The following HPS3 variants were observed in gnomAD, a reference collection of about 807,000 sequenced individuals.
HPS3 encodes the protein BLOC-2 complex member HPS3.
A neutral mutation model predicts 110.9 loss-of-function variants in HPS3; 79 were observed. The observed-to-expected ratio is 0.71, with a 90% confidence interval of 0.59 to 0.86. HPS3 has a LOEUF of 0.86. Ranked by LOEUF, HPS3 falls within the 40% of genes least tolerant of loss-of-function variation. The probability of loss-of-function intolerance (pLI) is 0.00; values close to 1 mark genes in which losing one functional copy is unlikely to be tolerated. For missense variants in HPS3, 1,197 were observed against 1,206.2 expected, an observed-to-expected ratio of 0.99 and a Z score of 0.11; for synonymous variants, 428 against 451.0, an observed-to-expected ratio of 0.95 and a Z score of 0.65.
At chr3:149,151,282 C>T (rs1723096604) in intron 6 of HPS3, among the ~76,000 whole-genome samples, 1 of 151,582 alleles carries the variant, frequency 6.6e-6, no homozygotes, top group South Asian at 2.1e-4. Flanking sequence ...ATCTGCCTGC[C>T]TCAGCCTCCC....
intron 5 of HPS3, among the ~76,000 whole-genome samples, chr3:149,150,349 G>A (rs567006663): frequency 4.6e-4 from 70 of 152,178 alleles, no homozygotes; most frequent in Non-Finnish European, 8.4e-4. Context: ...AAATGTACAC[G>A]TCCAGATTCA....
rs548806507 is a variant in HPS3, at chr3:149,167,189, C to T, written c.2745C>T (p.Cys915=). The T allele has an allele frequency of 5.6e-6, 9 of 1,613,802 alleles. No homozygotes were observed. The South Asian group carries it at 8.8e-5, about 16-fold the overall frequency. The change falls in exon 15 of 17, where the codon TGC becomes TGT. Residue 915 remains cysteine (C), a synonymous_variant. Transcript: ENST00000296051. The stretch of plus-strand genomic sequence containing the variant: ...GCATAGACATACTGTTAGAGAGATG[C>T]CCGGAGGCAGTCATTCCATATGCTA... ...EQCIDILLER[C]PEAVIPYANH...
intron 14 of HPS3, chr3:149,165,830 G>T: frequency 2.9e-6 from 1 of 346,344 alleles, no homozygotes; most frequent in South Asian, 2.3e-5. Flanking sequence ...TTTCTCCCAT[G>T]TTGGGAGACC....
chr3:149,131,918 TAGA>T (rs1246179421), intron 1 of HPS3, among the ~76,000 whole-genome samples: 1 of 152,160 alleles, frequency 6.6e-6, no homozygotes, highest in Non-Finnish European at 1.5e-5. Flanking sequence ...TTGCTCTAGG[TAGA>T]AGATCAAGCC....
intron 6 of HPS3, among the ~76,000 whole-genome samples, chr3:149,152,334 G>C (rs1336607501): frequency 1.3e-5 from 2 of 152,256 alleles, no homozygotes; most frequent in South Asian, 4.1e-4. Flanking sequence ...ATTGAAGTAG[G>C]ATCAATGTAC....
At chr3:149,140,957 G>T in intron 2 of HPS3, 60 bp from the exon 3 acceptor site, 1 of 1,421,812 alleles carries the variant, frequency 7.0e-7, no homozygotes, top group Non-Finnish European at 9.9e-7. Context: ...TAATTGGTGA[G>T]AGGATGTTGT....
rs1194331459 is a variant in HPS3, at chr3:149,167,945, G to T, written c.2849G>T (p.Gly950Val). The change falls in exon 16 of 17, where the codon GGT becomes GTT. Residue 950 changes from glycine (G) to valine (V), a missense_variant. Gly to Val is a moderately radical substitution (Grantham distance 109, BLOSUM62 -3). Transcript: ENST00000296051. Reference sequence around the variant, plus strand: ...GAACTTTGTCAGAGAATAAAATGTGGTGGAGAGAAGTATCAACTCTACCTG... The same window carrying T: ...GAACTTTGTCAGAGAATAAAATGTGTTGGAGAGAAGTATCAACTCTACCTG... ...LPELCQRIKCGGEKYQLYLSS... is the reference protein window; with the variant it reads ...LPELCQRIKCVGEKYQLYLSS... 6.2e-7 allele frequency: 1 copy of T among 1,604,246 alleles called. No homozygotes were observed. Among genetic ancestry groups the T allele is most frequent in the African/African-American group, 1.3e-5 (1 of 74,710 alleles).
chr3:149,150,975 T>C (rs569307589), intron 6 of HPS3, among the ~76,000 whole-genome samples: 1 of 152,010 alleles, frequency 6.6e-6, no homozygotes, highest in South Asian at 2.1e-4. Context: ...ACAACTACTG[T>C]ATGCTACAAT....
At chr3:149,164,342 A>C (rs539679413) in intron 14 of HPS3, among the ~76,000 whole-genome samples, 1 of 152,324 alleles carries the variant, frequency 6.6e-6, no homozygotes. Flanking sequence ...CAAGCCAGGC[A>C]CTGCTATTTC....
At chr3:149,133,950 A>G (rs926243694) in intron 1 of HPS3, among the ~76,000 whole-genome samples, 1 of 152,002 alleles carries the variant, frequency 6.6e-6, no homozygotes, top group Non-Finnish European at 1.5e-5. Flanking sequence ...TCTGGAAGCA[A>G]TCCTCCAATA....
intron 6 of HPS3, among the ~76,000 whole-genome samples, chr3:149,153,032 G>A (rs998764255): frequency 2.0e-5 from 3 of 152,180 alleles, no homozygotes; most frequent in Non-Finnish European, 4.4e-5. Context: ...ACCATTTTAT[G>A]TACTCTACAA....
intron 8 of HPS3, 93 bp from the exon 9 acceptor site, chr3:149,157,257 A>T: frequency 8.9e-7 from 1 of 1,122,214 alleles, no homozygotes; most frequent in South Asian, 1.3e-5. Flanking sequence ...CCAAATGTTA[A>T]CTTTACTAAC....
intron 1 of HPS3, among the ~76,000 whole-genome samples, chr3:149,138,261 C>T (rs1722236835): frequency 6.6e-6 from 1 of 152,122 alleles, no homozygotes; most frequent in South Asian, 2.1e-4. Context: ...TGAATGTCTG[C>T]AGAAAGGGGC....
intron 16 of HPS3, among the ~76,000 whole-genome samples, chr3:149,168,696 G>T (rs1459518106): frequency 2.0e-5 from 3 of 152,114 alleles, no homozygotes; most frequent in Non-Finnish European, 4.4e-5. Context: ...AATTAAAGCT[G>T]TATGCTTGTG....
At chr3:149,130,396 CCAT>C in intron 1 of HPS3, 1 of 170,008 alleles carries the variant, frequency 5.9e-6, no homozygotes, top group East Asian at 1.6e-4. Flanking sequence ...ATCTGTACCT[CCAT>C]CTACTTCCGG....
chr3:149,144,332 G>A (rs147015102), intron 4 of HPS3, among the ~76,000 whole-genome samples: 92 of 152,206 alleles, frequency 6.0e-4, no homozygotes, highest in Middle Eastern at 3.4e-3. Context: ...GCAGTGAGCC[G>A]AGATCGTGCC....
At position 149,163,895 on chromosome 3, in the gene HPS3, A is replaced by G. The variant is rs1724143146; in HGVS notation, c.2535A>G (p.Ile845Met). Residue 845 changes from isoleucine to methionine, a missense_variant, in exon 14 of 17, where the codon ATA becomes ATG. Coordinates refer to ENST00000296051, the MANE Select transcript of HPS3 (RefSeq NM_032383.5). Reference protein sequence around the residue: ...GLIYPWVHVVISSDSLADKNY... With the variant: ...GLIYPWVHVVMSSDSLADKNY... The stretch of plus-strand genomic sequence containing the variant: ...TTTATCCATGGGTTCACGTCGTAAT[A>G]TCATCTGATTCTTTAGCTGATAAAA... The G allele has an allele frequency of 1.9e-6, 3 of 1,585,534 alleles. No homozygotes were observed. Among genetic ancestry groups the G allele is most frequent in the Non-Finnish European group, 2.6e-6 (3 of 1,154,010 alleles).
At chr3:149,136,410 A>T (rs996848360) in intron 1 of HPS3, among the ~76,000 whole-genome samples, 3 of 152,148 alleles carry the variant, frequency 2.0e-5, no homozygotes, top group Non-Finnish European at 4.4e-5. Flanking sequence ...AGCTTAAAAA[A>T]TTTAGTTCCC....
At chr3:149,163,729 A>G (rs1724118917) in intron 13 of HPS3, 113 bp from the exon 14 acceptor site, 4 of 666,226 alleles carry the variant, frequency 6.0e-6, no homozygotes, top group African/African-American at 3.6e-5. Context: ...AGGAAAGTAT[A>G]TACCTAATTC....
Sources: gnomAD v4.1 joint callset for allele counts (sites outside exome capture counted in the v4.1 genomes callset) on GRCh38, gnomAD v4.1.1 for gene constraint, MANE v1.5 for transcripts, NCBI Gene and HGNC (gene_info 2026-07-23, HGNC 2026-07-21) for gene names.